Variants in WDR17 observed in about 807,000 individuals in gnomAD.
The protein encoded by WDR17 is WD repeat domain 17.
A neutral mutation model predicts 161.7 loss-of-function variants in WDR17; 143 were observed. The observed-to-expected ratio is 0.88, with a 90% CI of 0.77 to 1.02. The LOEUF is 1.02. Among genes scored for constraint, WDR17 ranks in the 50% least tolerant of loss-of-function variants. The probability of loss-of-function intolerance (pLI) is 0.00; values close to 1 mark genes in which losing one functional copy is unlikely to be tolerated. For synonymous variants in WDR17, 517 were observed against 515.6 expected (o/e 1.00, Z -0.04); for missense variants, 1,469 against 1,520.9 (o/e 0.97, Z 0.57).
intron 2 of WDR17, among the ~76,000 whole-genome samples, chr4:176,113,858 G>T (rs1210298583): frequency 6.6e-6 from 1 of 151,872 alleles, no homozygotes; most frequent in Non-Finnish European, 1.5e-5. Context: ...CTGTTGTTTT[G>T]TAATGCACTG....
At chr4:176,089,350 A>G (rs1422136065) in intron 1 of WDR17, among the ~76,000 whole-genome samples, 1 of 152,154 alleles carries the variant, frequency 6.6e-6, no homozygotes, top group African/African-American at 2.4e-5. Context: ...TGCAATATGT[A>G]TCCTTTTATG....
Position 176,128,841 on chromosome 4 carries a change from T to C in WDR17, c.894T>C (p.Asn298=). 1 of 1,574,728 alleles carries C rather than the reference T, an allele frequency of 6.4e-7. No homozygotes were observed. The highest frequency in any genetic ancestry group is 1.4e-5 in the African/African-American group (1 of 72,678). ...KTGFHCLHVL[N]SPPRKKFSVQ... is the part of the protein sequence containing the mutation. ...GATTTCACTGCTTACATGTACTTAA[T>C]TCTCCTCCAAGAAAAAAGTGTAAGT... is the stretch of plus-strand genomic sequence containing the variant. The change falls in exon 6 of 29, where the codon AAT becomes AAC. Residue 298 remains asparagine (N), a synonymous_variant. Coordinates refer to ENST00000508596, the MANE Select transcript of WDR17 (RefSeq NM_181265.4).
At chr4:176,086,476 G>T (rs1026226833) in intron 1 of WDR17, among the ~76,000 whole-genome samples, 1 of 151,870 alleles carries the variant, frequency 6.6e-6, no homozygotes, top group African/African-American at 2.4e-5. Flanking sequence ...AACTATGTAT[G>T]TCATTTGGAT....
intron 18 of WDR17, among the ~76,000 whole-genome samples, chr4:176,156,769 T>C (rs1748203316): frequency 6.6e-6 from 1 of 152,046 alleles, no homozygotes; most frequent in Admixed American, 6.6e-5. Context: ...GTCTAAATCA[T>C]GTTGTCAGCA....
intron 5 of WDR17, among the ~76,000 whole-genome samples, chr4:176,127,294 ATTT>A (rs34588473): frequency 3.4e-4 from 49 of 143,044 alleles, no homozygotes; most frequent in Non-Finnish European, 5.6e-4. Context: ...TAGGCATGGA[ATTT>A]TTTTTTTTTT....
intron 22 of WDR17, among the ~76,000 whole-genome samples, chr4:176,167,601 T>G (rs1292792126): frequency 1.6e-5 from 2 of 121,602 alleles, no homozygotes; most frequent in East Asian, 5.6e-4. Context: ...GAGCCGAGAT[T>G]GCGCCACTGC....
At chr4:176,135,948 C>A (rs1318739839) in intron 8 of WDR17, among the ~76,000 whole-genome samples, 1 of 151,542 alleles carries the variant, frequency 6.6e-6, no homozygotes, top group Non-Finnish European at 1.5e-5. Flanking sequence ...GGATGTAGCT[C>A]ATCCTTATTT....
intron 1 of WDR17, among the ~76,000 whole-genome samples, chr4:176,106,123 A>G (rs958547959): frequency 3.9e-5 from 6 of 152,084 alleles, no homozygotes; most frequent in African/African-American, 1.4e-4. Context: ...TAAAATTGAT[A>G]TAGAAACTCA....
chr4:176,094,645 G>T (rs1043415958), intron 1 of WDR17, among the ~76,000 whole-genome samples: 1 of 152,170 alleles, frequency 6.6e-6, no homozygotes, highest in Non-Finnish European at 1.5e-5. Context: ...GCATTAGTTT[G>T]TACAGGACAC....
At chr4:176,146,907 G>A (rs373592165) in intron 12 of WDR17, among the ~76,000 whole-genome samples, 4 of 151,414 alleles carry the variant, frequency 2.6e-5, no homozygotes, top group South Asian at 2.1e-4. Flanking sequence ...TCACTGTGTC[G>A]CCAGGCTGGA....
chr4:176,081,855 A>C (rs1012975663), intron 1 of WDR17, among the ~76,000 whole-genome samples: 7 of 152,146 alleles, frequency 4.6e-5, no homozygotes, highest in African/African-American at 1.7e-4. Flanking sequence ...TATGACTGAC[A>C]TAGACCAAAC....
At chr4:176,130,324 G>A (rs1743150403) in intron 6 of WDR17, among the ~76,000 whole-genome samples, 1 of 152,086 alleles carries the variant, frequency 6.6e-6, no homozygotes, top group Non-Finnish European at 1.5e-5. Context: ...CAAATTCATT[G>A]CTACCAAATG....
chr4:176,126,904 A>G (rs148371125), intron 5 of WDR17, among the ~76,000 whole-genome samples: 260 of 152,260 alleles, frequency 1.7e-3, no homozygotes, highest in African/African-American at 6.0e-3. Flanking sequence ...TGCCCTGTGA[A>G]GAAGGTGCCT....
At chr4:176,131,932 A>G (rs1162241750) in intron 7 of WDR17, among the ~76,000 whole-genome samples, 194 bp downstream of exon 7, 2 of 152,128 alleles carry the variant, frequency 1.3e-5, no homozygotes, top group African/African-American at 4.8e-5. Context: ...ACTTTTAACC[A>G]CTATACTTCA....
chr4:176,118,865 G>A (rs879785313), intron 3 of WDR17, among the ~76,000 whole-genome samples: 1 of 152,056 alleles, frequency 6.6e-6, no homozygotes, highest in Non-Finnish European at 1.5e-5. Flanking sequence ...GGAGGCTGAG[G>A]CAGGAGAATG....
intron 12 of WDR17, among the ~76,000 whole-genome samples, chr4:176,147,418 C>T (rs1046027585): frequency 6.6e-6 from 1 of 152,068 alleles, no homozygotes; most frequent in African/African-American, 2.4e-5. Flanking sequence ...AGTAATTTCA[C>T]GAATCCAGTT....
chr4:176,076,985 G>A (rs569524063), intron 1 of WDR17, among the ~76,000 whole-genome samples: 1 of 152,132 alleles, frequency 6.6e-6, no homozygotes, highest in South Asian at 2.1e-4. Flanking sequence ...CTATTATGTA[G>A]TAGATTCTTT....
At chr4:176,140,655 C>T (rs1348198162) in intron 10 of WDR17, among the ~76,000 whole-genome samples, 1 of 152,104 alleles carries the variant, frequency 6.6e-6, no homozygotes, top group Non-Finnish European at 1.5e-5. Context: ...GTGGTATAGA[C>T]ACTCATAGTT....
intron 3 of WDR17, among the ~76,000 whole-genome samples, chr4:176,119,016 C>G (rs1373431638): frequency 6.6e-6 from 1 of 151,876 alleles, no homozygotes; most frequent in East Asian, 1.9e-4. Context: ...GGCTCAAACT[C>G]CACATGATCT....
Sources: gnomAD v4.1 joint callset for allele counts (sites outside exome capture counted in the v4.1 genomes callset) on GRCh38, gnomAD v4.1.1 for gene constraint, MANE v1.5 for transcripts, NCBI Gene and HGNC (gene_info 2026-07-23, HGNC 2026-07-21) for gene names.